TDRD1: variants seen among roughly 807,000 people sequenced by gnomAD.
The protein encoded by TDRD1 is tudor domain-containing protein 1.
A neutral mutation model predicts 140.6 loss-of-function variants in TDRD1; 37 were observed. The observed-to-expected ratio is 0.26, with a 90% confidence interval of 0.20 to 0.35. The LOEUF is 0.35. Among genes scored for constraint, TDRD1 ranks in the 10% least tolerant of loss-of-function variants. The pLI, the probability that TDRD1 is intolerant of heterozygous loss-of-function variation, is 1.00. For synonymous variants in TDRD1, 506 were observed against 475.7 expected, an observed-to-expected ratio of 1.06 and a Z score of -0.83; for missense variants, 1,243 against 1,393.0, an observed-to-expected ratio of 0.89 and a Z score of 1.71.
At chr10:114,187,637 C>G (rs1348923553) in intron 1 of TDRD1, among the ~76,000 whole-genome samples, 189 bp from the exon 2 acceptor site, 1 of 152,192 alleles carries the variant, frequency 6.6e-6, no homozygotes, top group Non-Finnish European at 1.5e-5. Flanking sequence ...AGAGTTCATA[C>G]TTACAGAGAA....
chr10:114,207,051 C>T (rs2035168544), intron 11 of TDRD1, among the ~76,000 whole-genome samples: 2 of 152,202 alleles, frequency 1.3e-5, no homozygotes, highest in South Asian at 4.1e-4. Flanking sequence ...CCTGTAAAAG[C>T]TTGTGTGTGT....
At chr10:114,215,875 A>AT (rs936055413) in intron 16 of TDRD1, among the ~76,000 whole-genome samples, 1 of 152,098 alleles carries the variant, frequency 6.6e-6, no homozygotes, top group Non-Finnish European at 1.5e-5. Flanking sequence ...TTTTCCAAAT[A>AT]TTTTTTCAGA....
exon 2 of TDRD1, chr10:114,187,943 C>T (rs1333088650): frequency 1.2e-6 from 2 of 1,614,126 alleles, no homozygotes; most frequent in Admixed American, 3.3e-5. Context: ...GCTTCCACCA[C>T]ATGAGTCTTT....
intron 20 of TDRD1, among the ~76,000 whole-genome samples, chr10:114,222,333 C>T (rs2036193184): frequency 6.6e-6 from 1 of 152,172 alleles, no homozygotes; most frequent in Non-Finnish European, 1.5e-5. Flanking sequence ...GTATAACCAC[C>T]TTGATCAAGT....
At chr10:114,182,178 A>G (rs552029465) in intron 1 of TDRD1, among the ~76,000 whole-genome samples, 1 of 152,314 alleles carries the variant, frequency 6.6e-6, no homozygotes, top group South Asian at 2.1e-4. Context: ...TCATGTCAGT[A>G]TAAGAGTCTC....
intron 25 of TDRD1, chr10:114,228,483 C>CA: frequency 9.7e-7 from 1 of 1,035,268 alleles, no homozygotes; most frequent in Non-Finnish European, 1.2e-6. Context: ...GAAATTAACT[C>CA]AGAGCTCACT....
intron 18 of TDRD1, 88 bp from the exon 19 acceptor site, chr10:114,220,480 A>G: frequency 1.2e-6 from 1 of 868,658 alleles, no homozygotes. Flanking sequence ...CTGAAAGTAA[A>G]CTTGGCAAAG....
chr10:114,184,080 GTA>G lies in TDRD1; in HGVS notation c.-6-3742_-6-3741del, dbSNP rs1437773091. On this transcript the variant is annotated intron_variant, in intron 1 of 25. Transcript: ENST00000251864. ...ATTTCTAAATTGCTTCCCAGAAAGA[GTA>G]TATTAATTGATACTCCCTTCAGTAA... Among the ~76,000 whole-genome samples the G allele has an allele frequency of 1.1e-4, 16 of 151,988 alleles. No homozygotes were observed. The East Asian group carries it at 2.9e-3, about 28-fold the overall frequency.
intron 16 of TDRD1, 29 bp downstream of exon 16, chr10:114,214,143 T>C (rs1389208519): frequency 1.2e-6 from 2 of 1,602,488 alleles, no homozygotes; most frequent in African/African-American, 1.3e-5. Context: ...TTTGTTTCTT[T>C]TTACAAATAC....
At chr10:114,222,801 AT>A (rs1214968359) in intron 21 of TDRD1, 98 bp downstream of exon 21, 1 of 681,030 alleles carries the variant, frequency 1.5e-6, no homozygotes, top group Non-Finnish European at 2.5e-6. Context: ...TGCATATTTC[AT>A]TTGGTTTAGG....
rs540494820 is a variant in TDRD1 at position 114,180,644 on chromosome 10, T to G, written c.-7+1228T>G. On this transcript the variant is annotated intron_variant, in intron 1 of 25. Transcript: ENST00000251864. ...GGCGCCCTGCTAATTTTTGTATTTT[T>G]AGTAGAGACAGGGTTTCACCATGTT... 5.9e-5 allele frequency among the ~76,000 whole-genome samples: 9 copies of G among 152,278 alleles called. No homozygotes were observed. The East Asian group carries it at 1.7e-3, about 29-fold the overall frequency.
chr10:114,227,226 T>A (rs752062106), exon 23 of TDRD1: 3 of 1,614,096 alleles, frequency 1.9e-6, no homozygotes, highest in Non-Finnish European at 2.5e-6. Flanking sequence ...GGACTGTCGA[T>A]GTAGCTGATA....
chr10:114,226,222 C>T lies in TDRD1; in HGVS notation c.3175+6C>T. ...TATTAGATGTTCACTTGAAGGTAGA[C>T]AGCTAAGTCACTTTCCAATTTAGGT... On this transcript the variant is annotated splice_donor_region_variant and intron_variant, in intron 22 of 25. Coordinates refer to ENST00000251864, the Ensembl canonical transcript of TDRD1. 2 of 1,591,480 alleles carry T rather than the reference C, an allele frequency of 1.3e-6. No individual in the cohort carries two copies. Among genetic ancestry groups the T allele is most frequent in the Non-Finnish European group, 1.7e-6 (2 of 1,170,068 alleles).
chr10:114,182,789 A>T (rs1251018364), intron 1 of TDRD1, among the ~76,000 whole-genome samples: 1 of 150,418 alleles, frequency 6.6e-6, no homozygotes. Context: ...GGTTCATGCC[A>T]TTCTTCTGCC....
At chr10:114,220,329 A>C (rs2036064375) in intron 18 of TDRD1, among the ~76,000 whole-genome samples, 1 of 152,186 alleles carries the variant, frequency 6.6e-6, no homozygotes, top group Admixed American at 6.5e-5. Flanking sequence ...TGCCCGGTAA[A>C]GATATGTTAG....
At chr10:114,231,368 T>C (rs1362155741) in intron 25 of TDRD1, 7 of 846,208 alleles carry the variant, frequency 8.3e-6, no homozygotes, top group Non-Finnish European at 1.3e-5. Flanking sequence ...AGGTCTGGCT[T>C]AAATGCGTAA....
intron 25 of TDRD1, among the ~76,000 whole-genome samples, chr10:114,229,805 A>G (rs1377477996): frequency 2.8e-5 from 4 of 140,480 alleles, no homozygotes; most frequent in East Asian, 2.0e-4. Context: ...TCAAGTCACT[A>G]TATATATATA....
intron 20 of TDRD1, among the ~76,000 whole-genome samples, chr10:114,221,688 A>T (rs1046302987): frequency 6.6e-6 from 1 of 152,230 alleles, no homozygotes; most frequent in African/African-American, 2.4e-5. Context: ...CCTGCCCAGT[A>T]GCCTGGTCTA....
chr10:114,203,332 T>A (rs2034886431), intron 7 of TDRD1, 56 bp from the exon 8 acceptor site: 2 of 1,543,134 alleles, frequency 1.3e-6, no homozygotes, highest in Non-Finnish European at 1.7e-6. Flanking sequence ...CTTTAAGAAA[T>A]TTACATTTCC....
Sources: gnomAD v4.1 joint callset for allele counts (sites outside exome capture counted in the v4.1 genomes callset) on GRCh38, gnomAD v4.1.1 for gene constraint, MANE v1.5 for transcripts, NCBI Gene and HGNC (gene_info 2026-07-23, HGNC 2026-07-21) for gene names.